The following ELAVL2 variants were observed in gnomAD, a reference collection of about 807,000 sequenced individuals.
ELAVL2 encodes the protein ELAV-like protein 2.
Under a neutral mutation model 34.6 loss-of-function variants are expected in ELAVL2, and 4 were observed. The observed-to-expected ratio is 0.12, with a 90% CI of 0.06 to 0.26. ELAVL2 has a LOEUF of 0.26. ELAVL2 is among the 10% of genes least tolerant of loss of function. The probability of loss-of-function intolerance (pLI) is 1.00; values close to 1 mark genes in which losing one functional copy is unlikely to be tolerated. For synonymous variants in ELAVL2, 193 were observed against 154.8 expected (o/e 1.25, Z -1.83); for missense variants, 432 against 442.8 (o/e 0.98, Z 0.22).
At chr9:23,745,778 C>G (rs1398720041) in intron 2 of ELAVL2, among the ~76,000 whole-genome samples, 1 of 152,142 alleles carries the variant, frequency 6.6e-6, no homozygotes, top group African/African-American at 2.4e-5. Flanking sequence ...GTAGGTCATT[C>G]AGAGGCAAAT....
chr9:23,696,421 T>C (rs1012434161), intron 5 of ELAVL2, among the ~76,000 whole-genome samples: 1 of 152,200 alleles, frequency 6.6e-6, no homozygotes, highest in Non-Finnish European at 1.5e-5. Context: ...AACAAGCCCC[T>C]AGAAATATGT....
At chr9:23,808,952 C>T (rs781479521) in intron 1 of ELAVL2, among the ~76,000 whole-genome samples, 2 of 152,148 alleles carry the variant, frequency 1.3e-5, no homozygotes, top group African/African-American at 4.8e-5. Flanking sequence ...TGGTAGTCTT[C>T]GCCAAATTTA....
At chr9:23,718,263 C>G (rs1806747002) in intron 3 of ELAVL2, among the ~76,000 whole-genome samples, 1 of 152,112 alleles carries the variant, frequency 6.6e-6, no homozygotes, top group African/African-American at 2.4e-5. Context: ...ATTTAAACAC[C>G]TGTTTTAAAT....
In ELAVL2 at chr9:23,774,235, A is replaced by AAAAGAAAG. The variant is rs1202748312; in HGVS notation, c.-15-11994_-15-11987dup. On this transcript the variant is annotated intron_variant, in intron 1 of 6. Transcript: ENST00000397312. Reference sequence around the variant, plus strand: ...TCTCAAAAAAAAAAAAAAAAAAAAAAAAAGAAAGAAAGAAAGAAAGAAAAT... The same window carrying AAAAGAAAG: ...TCTCAAAAAAAAAAAAAAAAAAAAAAAAAGAAAGAAAGAAAGAAAGAAAGAAAGAAAAT... 1.3e-3 allele frequency among the ~76,000 whole-genome samples: 171 copies of AAAAGAAAG among 132,300 alleles called. 2 individuals are homozygous for AAAAGAAAG. The highest frequency in any genetic ancestry group is 5.2e-3 in the African/African-American group (164 of 31,734). 86.8% of individuals were successfully genotyped at this position (132,300 alleles called of 152,430 possible).
At chr9:23,790,472 C>A (rs1372477963) in intron 1 of ELAVL2, among the ~76,000 whole-genome samples, 6 of 152,150 alleles carry the variant, frequency 3.9e-5, no homozygotes, top group Non-Finnish European at 2.9e-5. Flanking sequence ...TCTGGGAATT[C>A]ACTTTCAAAT....
chr9:23,836,886 A>C, the ELAVL2 span, among the ~76,000 whole-genome samples: 7 of 152,290 alleles, frequency 4.6e-5, no homozygotes, highest in East Asian at 9.6e-4. Flanking sequence ...AACAGGATAC[A>C]CCTATTGACA....
chr9:23,795,561 AAAAT>A (rs1373903911), intron 1 of ELAVL2, among the ~76,000 whole-genome samples: 1 of 152,164 alleles, frequency 6.6e-6, no homozygotes, highest in Non-Finnish European at 1.5e-5. Context: ...ATAAAAATAA[AAAAT>A]AAATGGGGAA....
intron 2 of ELAVL2, among the ~76,000 whole-genome samples, chr9:23,758,370 G>T (rs948812480): frequency 3.3e-5 from 5 of 151,934 alleles, no homozygotes; most frequent in African/African-American, 1.2e-4. Context: ...CTCAATAGAA[G>T]TATTCAGTAA....
In ELAVL2 at chr9:23,757,691, T is replaced by C. The variant is rs796801658; in HGVS notation, c.229+4315A>G. 1.6e-4 allele frequency among the ~76,000 whole-genome samples: 24 copies of C among 152,064 alleles called. 1 individual carries two copies. Among genetic ancestry groups the C allele is most frequent in the African/African-American group, 5.8e-4 (24 of 41,474 alleles). ...AGAAGCTTCTCATGATGAATGCCTA[T>C]AGATAGGAAACAGGCTGAAGCATAC... is the stretch of plus-strand genomic sequence containing the variant. On this transcript the variant is annotated intron_variant, in intron 2 of 6. Transcript: ENST00000397312.
At chr9:23,820,809 G>A (rs1292358730) in intron 1 of ELAVL2, among the ~76,000 whole-genome samples, 1 of 152,208 alleles carries the variant, frequency 6.6e-6, no homozygotes, top group African/African-American at 2.4e-5. Flanking sequence ...CACGGCAAGC[G>A]AACTGAAATC....
intron 1 of ELAVL2, among the ~76,000 whole-genome samples, chr9:23,778,311 T>C (rs753112855): frequency 2.0e-5 from 3 of 152,218 alleles, no homozygotes; most frequent in Admixed American, 6.5e-5. Flanking sequence ...GACTGGCAGC[T>C]AGCGGGTAGA....
intron 4 of ELAVL2, among the ~76,000 whole-genome samples, chr9:23,702,981 A>AAAAAAC (rs2037974733): frequency 7.7e-6 from 1 of 129,624 alleles, no homozygotes; most frequent in Non-Finnish European, 1.6e-5. Flanking sequence ...AAAAAAAAAA[A>AAAAAAC]CAGCCTCTAC....
intron 1 of ELAVL2, chr9:23,765,170 AT>A (rs2055948842): frequency 7.3e-7 from 1 of 1,378,988 alleles, no homozygotes; most frequent in Non-Finnish European, 9.9e-7. Flanking sequence ...TTTGTACAAA[AT>A]TTACAGTGAT....
chr9:23,711,868 TGA>T (rs111957339), intron 3 of ELAVL2, among the ~76,000 whole-genome samples: 7,379 of 152,214 alleles, frequency 0.048, 591 homozygotes, highest in African/African-American at 0.17. Context: ...CATATTAAAT[TGA>T]GAGTTTATTT....
At chr9:23,756,835 G>T (rs982057483) in intron 2 of ELAVL2, among the ~76,000 whole-genome samples, 6 of 152,126 alleles carry the variant, frequency 3.9e-5, no homozygotes, top group African/African-American at 1.4e-4. Context: ...TTAAGACATT[G>T]ATAACTCCTA....
intron 2 of ELAVL2, among the ~76,000 whole-genome samples, chr9:23,761,596 T>A (rs1384619373): frequency 6.6e-6 from 1 of 151,996 alleles, no homozygotes; most frequent in African/African-American, 2.4e-5. Flanking sequence ...ATAAGCAAAA[T>A]GATTATATTA....
chr9:23,820,540 G>C (rs1379324135), intron 1 of ELAVL2, among the ~76,000 whole-genome samples: 2 of 152,138 alleles, frequency 1.3e-5, no homozygotes, highest in Admixed American at 1.3e-4. Flanking sequence ...TGACCATCTG[G>C]GCAGCTACAA....
chr9:23,700,678 G>T (rs1358332938), intron 5 of ELAVL2, among the ~76,000 whole-genome samples: 1 of 152,102 alleles, frequency 6.6e-6, no homozygotes, highest in Non-Finnish European at 1.5e-5. Flanking sequence ...AACCCATAAA[G>T]TTAAATATTT....
At chr9:23,696,061 T>C (rs920861023) in intron 5 of ELAVL2, among the ~76,000 whole-genome samples, 1 of 152,196 alleles carries the variant, frequency 6.6e-6, no homozygotes, top group Non-Finnish European at 1.5e-5. Context: ...TCTTCACTGA[T>C]TCCTTCACTT....
Sources: gnomAD v4.1 joint callset for allele counts (sites outside exome capture counted in the v4.1 genomes callset) on GRCh38, gnomAD v4.1.1 for gene constraint, MANE v1.5 for transcripts, NCBI Gene and HGNC (gene_info 2026-07-23, HGNC 2026-07-21) for gene names.